PPP4R3A: variants seen among roughly 807,000 people sequenced by gnomAD.
PPP4R3A encodes the protein protein phosphatase 4 regulatory subunit 3A.
A neutral mutation model predicts 91.7 loss-of-function variants in PPP4R3A; 15 were observed. The ratio of observed to expected loss-of-function variants is 0.16; its 90% CI spans 0.11 to 0.25. PPP4R3A has a LOEUF of 0.25. Among genes scored for constraint, PPP4R3A ranks in the 10% least tolerant of loss-of-function variants. The pLI, the probability that PPP4R3A is intolerant of heterozygous loss-of-function variation, is 1.00. For missense variants in PPP4R3A, 623 were observed against 998.4 expected (o/e 0.62, Z 5.07); for synonymous variants, 377 against 348.7 (o/e 1.08, Z -0.91).
chr14:91,491,261 T>C (rs1890219603), intron 1 of PPP4R3A, among the ~76,000 whole-genome samples: 1 of 152,012 alleles, frequency 6.6e-6, no homozygotes, highest in African/African-American at 2.4e-5. Context: ...AGTCTCGCTA[T>C]GTTGCCCAGG....
Position 91,458,861 on chromosome 14 carries a change from G to C in PPP4R3A, c.2400C>G (p.Leu800=). 6.2e-7 allele frequency: 1 copy of C among 1,610,764 alleles called. No homozygotes were observed. Among genetic ancestry groups the C allele is most frequent in the Non-Finnish European group, 8.5e-7 (1 of 1,178,682 alleles). The change falls in exon 15 of 15, where the codon CTC becomes CTG. Residue 800 remains leucine (L), a synonymous_variant. Coordinates refer to ENST00000554943, the MANE Select transcript of PPP4R3A (RefSeq NM_001366432.2). ...CATCAGGATAATCTACCAGACCCACGAGGCCTCCCTGTTAAGAAATAAGGA... is the reference window on the plus strand; with the variant it reads ...CATCAGGATAATCTACCAGACCCACCAGGCCTCCCTGTTAAGAAATAAGGA... ...QTAAITTKGG[L]VGLVDYPDDD... is the part of the protein sequence containing the mutation.
intron 1 of PPP4R3A, among the ~76,000 whole-genome samples, chr14:91,506,733 A>G (rs1170052680): frequency 6.6e-6 from 1 of 152,078 alleles, no homozygotes; most frequent in African/African-American, 2.4e-5. Flanking sequence ...TATGTTTTGT[A>G]GAGATGGGGT....
rs11851275 is a variant in PPP4R3A, at chr14:91,477,377, T to C, written c.916-391A>G. ...AACACTTGCTGACCCCTCACTTTCA[T>C]AGGTTTTATAACCTTATTAACTTTT... On this transcript the variant is annotated intron_variant, in intron 4 of 14. Transcript: ENST00000554943. Among the ~76,000 whole-genome samples the C allele has an allele frequency of 3.5e-3, 537 of 152,324 alleles. 6 individuals are homozygous for C. Among genetic ancestry groups the C allele is most frequent in the African/African-American group, 0.012 (484 of 41,566 alleles).
chr14:91,478,905 ATTTTAC>A (rs1425961479), intron 4 of PPP4R3A, among the ~76,000 whole-genome samples: 4 of 152,188 alleles, frequency 2.6e-5, no homozygotes, highest in Non-Finnish European at 4.4e-5. Flanking sequence ...TTTCAAATAA[ATTTTAC>A]TTATACACCT....
chr14:91,505,651 A>C (rs1384383082), intron 1 of PPP4R3A, among the ~76,000 whole-genome samples: 1 of 152,220 alleles, frequency 6.6e-6, no homozygotes, highest in Non-Finnish European at 1.5e-5. Context: ...AAATAATCTG[A>C]AAATCAAAAG....
intron 10 of PPP4R3A, 75 bp from the exon 11 acceptor site, chr14:91,465,494 C>T: frequency 7.3e-7 from 1 of 1,361,408 alleles, no homozygotes; most frequent in South Asian, 1.8e-5. Context: ...CAAAAATAAC[C>T]ATCAAACCAA....
intron 10 of PPP4R3A, chr14:91,466,206 T>C: frequency 1.0e-6 from 1 of 984,332 alleles, no homozygotes; most frequent in Non-Finnish European, 1.2e-6. Flanking sequence ...CTAAATGGAA[T>C]TATCAGTAAG....
intron 14 of PPP4R3A, among the ~76,000 whole-genome samples, chr14:91,460,908 C>T (rs1199765443): frequency 1.3e-5 from 2 of 152,144 alleles, no homozygotes. Context: ...CGTGAGCCAC[C>T]GTGCCCAGCC....
At chr14:91,476,867 GTTGTT>G (rs746584030) in intron 5 of PPP4R3A, 37 bp downstream of exon 5, 23 of 1,513,088 alleles carry the variant, frequency 1.5e-5, no homozygotes, top group Non-Finnish European at 1.2e-5. Context: ...AGCCCGGCCA[GTTGTT>G]TTATTTTTAT....
chr14:91,476,649 T>A, intron 5 of PPP4R3A, 125 bp from the exon 6 acceptor site: 1 of 712,128 alleles, frequency 1.4e-6, no homozygotes, highest in South Asian at 2.0e-5. Flanking sequence ...CACTGCAACC[T>A]CCACCTCCCG....
rs575754693 is a variant in PPP4R3A at position 91,491,028 on chromosome 14, C to T, written c.143-226G>A. Among the ~76,000 whole-genome samples, 7 of 151,634 alleles carry T rather than the reference C, an allele frequency of 4.6e-5. No individual in the cohort carries two copies. The East Asian group carries it at 1.4e-3, about 29-fold the overall frequency. ...TCAAGAGATTCTCCTGCCTCAGCCT[C>T]CCAAGGAGCTGGGATTACAGGTGTG... On this transcript the variant is annotated intron_variant, in intron 1 of 14. Coordinates refer to ENST00000554943, the MANE Select transcript of PPP4R3A (RefSeq NM_001366432.2).
intron 1 of PPP4R3A, among the ~76,000 whole-genome samples, chr14:91,506,031 C>T (rs545294932): frequency 6.6e-6 from 1 of 152,208 alleles, no homozygotes; most frequent in Admixed American, 6.5e-5. Flanking sequence ...CTGCAAGCTC[C>T]GCCTCCTGTG....
intron 3 of PPP4R3A, 77 bp downstream of exon 3, chr14:91,485,555 T>G (rs1186018940): frequency 1.1e-6 from 1 of 935,162 alleles, no homozygotes; most frequent in South Asian, 1.5e-5. Flanking sequence ...ATTTAAACTC[T>G]TGGGCATTAG....
intron 10 of PPP4R3A, among the ~76,000 whole-genome samples, chr14:91,467,365 A>G (rs1188239225): frequency 1.3e-5 from 2 of 152,240 alleles, no homozygotes; most frequent in Non-Finnish European, 2.9e-5. Context: ...TTCAATGTAA[A>G]GCACATTCTG....
chr14:91,507,108 ACAGAGTTCGAGAC>A (rs1891343261), intron 1 of PPP4R3A, among the ~76,000 whole-genome samples: 2 of 151,440 alleles, frequency 1.3e-5, no homozygotes, highest in Admixed American at 1.3e-4. Flanking sequence ...CACCTGAGGT[ACAGAGTTCGAGAC>A]CAGACTGGCC....
rs35448139 is a variant in PPP4R3A, at chr14:91,495,691, T to TA, written c.143-4890dup. Among the ~76,000 whole-genome samples the TA allele has an allele frequency of 2.3e-3, 341 of 150,644 alleles. 1 individual carries two copies. The highest frequency in any genetic ancestry group is 5.3e-3 in the African/African-American group (216 of 40,998). On this transcript the variant is annotated intron_variant, in intron 1 of 14. Coordinates refer to ENST00000554943, the MANE Select transcript of PPP4R3A (RefSeq NM_001366432.2). The stretch of plus-strand genomic sequence containing the variant: ...GAATTATATAGTATGTAAATACTGT[T>TA]AAAAAAAAAACAAAAAACAGGTGGA...
intron 1 of PPP4R3A, among the ~76,000 whole-genome samples, chr14:91,502,992 A>AT (rs1471858227): frequency 6.6e-6 from 1 of 152,034 alleles, no homozygotes; most frequent in African/African-American, 2.4e-5. Flanking sequence ...TCTTTTTTAA[A>AT]TTTTTTGTTT....
chr14:91,482,310 G>C, intron 3 of PPP4R3A, 117 bp from the exon 4 acceptor site: 1 of 1,100,162 alleles, frequency 9.1e-7, no homozygotes, highest in Non-Finnish European at 1.2e-6. Context: ...TCATTTTCAA[G>C]ACAAAACTGC....
chr14:91,477,681 G>A (rs34122920), intron 4 of PPP4R3A, among the ~76,000 whole-genome samples: 37,782 of 151,998 alleles, frequency 0.25, 5,608 homozygotes, highest in Non-Finnish European at 0.35. Flanking sequence ...ACAGAGTCTT[G>A]CTCTGTCACC....
Sources: allele counts gnomAD v4.1 joint callset (sites outside exome capture counted in the v4.1 genomes callset), GRCh38; gene constraint gnomAD v4.1.1; transcripts MANE v1.5; gene names NCBI Gene and HGNC (gene_info 2026-07-23, HGNC 2026-07-21).